TANGO6: variants seen among roughly 807,000 people sequenced by gnomAD.
TANGO6 encodes transport and golgi organization 6 homolog.
Under a neutral mutation model 114.2 loss-of-function variants are expected in TANGO6, and 90 were observed. The observed-to-expected ratio is 0.79, with a 90% CI of 0.66 to 0.94. The LOEUF is 0.94. Among genes scored for constraint, TANGO6 ranks in the 40% least tolerant of loss-of-function variants. The pLI, the probability that TANGO6 is intolerant of heterozygous loss-of-function variation, is 0.00. For missense variants in TANGO6, 1,274 were observed against 1,315.3 expected, an observed-to-expected ratio of 0.97 and a Z score of 0.49; for synonymous variants, 477 against 509.8, an observed-to-expected ratio of 0.94 and a Z score of 0.87.
intron 15 of TANGO6, among the ~76,000 whole-genome samples, chr16:69,019,652 C>T (rs988027205): frequency 6.6e-6 from 1 of 151,066 alleles, no homozygotes; most frequent in African/African-American, 2.5e-5. Flanking sequence ...CAGTACTTAT[C>T]TGTTTATATG....
intron 9 of TANGO6, among the ~76,000 whole-genome samples, chr16:68,905,632 A>G (rs778485306): frequency 1.1e-4 from 16 of 152,208 alleles, no homozygotes; most frequent in Non-Finnish European, 2.1e-4. Context: ...ATTAAAAACT[A>G]AAAGCCATAG....
chr16:68,989,138 C>T (rs1175683588), intron 15 of TANGO6, among the ~76,000 whole-genome samples: 1 of 152,202 alleles, frequency 6.6e-6, no homozygotes, highest in Non-Finnish European at 1.5e-5. Flanking sequence ...GCTAGGATTA[C>T]AGGCATGAGC....
intron 16 of TANGO6, among the ~76,000 whole-genome samples, chr16:69,036,985 A>G (rs1033691541): frequency 7.9e-5 from 12 of 151,746 alleles, no homozygotes; most frequent in Admixed American, 2.0e-4. Context: ...AAGAAAAAGA[A>G]GAAGGCTGGG....
chr16:68,880,677 AT>A (rs748458543), intron 7 of TANGO6, 47 bp downstream of exon 7: 3 of 1,423,196 alleles, frequency 2.1e-6, no homozygotes, highest in South Asian at 1.5e-5. Flanking sequence ...CTTATTTAAA[AT>A]TTTTTTTAAA....
chr16:68,940,561 G>T (rs1963342273), intron 14 of TANGO6, among the ~76,000 whole-genome samples: 1 of 145,282 alleles, frequency 6.9e-6, no homozygotes, highest in Admixed American at 6.7e-5. Flanking sequence ...TAGTTTGAAT[G>T]TCACTGGTTA....
At chr16:68,853,297 T>A (rs1396734627) in intron 1 of TANGO6, among the ~76,000 whole-genome samples, 1 of 149,676 alleles carries the variant, frequency 6.7e-6, no homozygotes, top group Admixed American at 6.7e-5. Flanking sequence ...AAAAAGCATA[T>A]ACTTTTGTCA....
chr16:68,970,445 A>T (rs1028463349), intron 14 of TANGO6, among the ~76,000 whole-genome samples: 1 of 152,116 alleles, frequency 6.6e-6, no homozygotes, highest in African/African-American at 2.4e-5. Context: ...AGGCAGGTGG[A>T]TCACCTGAGG....
intron 16 of TANGO6, among the ~76,000 whole-genome samples, chr16:69,030,837 G>T (rs534854719): frequency 7.3e-5 from 11 of 151,668 alleles, no homozygotes; most frequent in Non-Finnish European, 1.0e-4. Context: ...AGATCACGAG[G>T]TCAAGAGATC....
intron 16 of TANGO6, among the ~76,000 whole-genome samples, chr16:69,038,414 A>C (rs1428723033): frequency 6.6e-6 from 1 of 151,904 alleles, no homozygotes; most frequent in Non-Finnish European, 1.5e-5. Flanking sequence ...TGGATGACAG[A>C]GCGAGATCCT....
Position 68,875,110 on chromosome 16 carries a change from G to T in TANGO6, c.995-44G>T, listed in dbSNP as rs199803400. 1,232 of 1,560,578 alleles carry T rather than the reference G, an allele frequency of 7.9e-4. 1 individual carries two copies. Among genetic ancestry groups the T allele is most frequent in the Admixed American group, 1.1e-3 (61 of 57,464 alleles). On this transcript the variant is annotated intron_variant, in intron 4 of 17. Coordinates refer to ENST00000261778, the MANE Select transcript of TANGO6 (RefSeq NM_024562.2). Reference sequence around the variant, plus strand: ...AAATTTGTTACATGGGACCTTCTGTGGGGAATTGCTGTGAGCTGCTAACAT... The same window carrying T: ...AAATTTGTTACATGGGACCTTCTGTTGGGAATTGCTGTGAGCTGCTAACAT...
chr16:69,083,800 A>T lies in TANGO6; in HGVS notation c.*139A>T, dbSNP rs1014742510. Reference sequence around the variant, plus strand: ...TCGGGGTGGTTTTATGGTGCAGGTCACTTGGGTCTTCAGGGTCCCTTCCGA... The same window carrying T: ...TCGGGGTGGTTTTATGGTGCAGGTCTCTTGGGTCTTCAGGGTCCCTTCCGA... On this transcript the variant is annotated 3_prime_UTR_variant, in exon 18 of 18. Coordinates refer to ENST00000261778, the MANE Select transcript of TANGO6 (RefSeq NM_024562.2). The T allele has an allele frequency of 2.2e-6, 2 of 914,442 alleles. No homozygotes were observed. The highest frequency in any genetic ancestry group is 3.4e-5 in the African/African-American group (2 of 59,622). The allele number at this position is 914,442 out of a possible 1,614,324, so 56.6% of individuals were successfully genotyped here. A position where few individuals can be genotyped will look rare whatever the true frequency, so the allele number is the denominator to read the frequency against.
chr16:69,022,893 G>A lies in TANGO6; in HGVS notation c.2908G>A (p.Asp970Asn). ...CTTCCTGAGGGGAGTGAGAGATCCT[G>A]ATGGTGCTCACAGGGCCAGCAGCTT... is the stretch of plus-strand genomic sequence containing the variant. Reference protein sequence around the residue: ...HTFLRGVRDPDGAHRASSLAN... With the variant: ...HTFLRGVRDPNGAHRASSLAN... The change falls in exon 16 of 18, where the codon GAT (aspartate) becomes AAT (asparagine). Residue 970 changes from aspartate to asparagine, a missense_variant. Coordinates refer to ENST00000261778, the MANE Select transcript of TANGO6 (RefSeq NM_024562.2). 1 of 1,598,242 alleles carries A rather than the reference G, an allele frequency of 6.3e-7. No homozygotes were observed. Among genetic ancestry groups the A allele is most frequent in the Non-Finnish European group, 8.5e-7 (1 of 1,172,112 alleles).
Position 68,902,451 on chromosome 16 carries a change from G to T in TANGO6, c.1614G>T (p.Gln538His), listed in dbSNP as rs1454995587. 2 of 1,613,358 alleles carry T rather than the reference G, an allele frequency of 1.2e-6. No homozygotes were observed. Among genetic ancestry groups the T allele is most frequent in the Non-Finnish European group, 1.7e-6 (2 of 1,179,650 alleles). ...TGCCCTCTCTCCATTCTCTGTGTCAGTTTAGAGTTGCCACTCAAGGTGGCA... is the reference window on the plus strand; with the variant it reads ...TGCCCTCTCTCCATTCTCTGTGTCATTTTAGAGTTGCCACTCAAGGTGGCA... ...KAVPSLHSLCQFRVATQGGIM... is the reference protein window; with the variant it reads ...KAVPSLHSLCHFRVATQGGIM... Residue 538 changes from glutamine (Q) to histidine (H), a missense_variant, in exon 9 of 18, where the codon CAG becomes CAT. Around this residue, in one of 5 missense-constraint regions of TANGO6, gnomAD observed 908 missense variants for 910.2 expected, o/e 1.00. Coordinates refer to ENST00000261778, the MANE Select transcript of TANGO6 (RefSeq NM_024562.2).
intron 14 of TANGO6, among the ~76,000 whole-genome samples, chr16:68,944,362 C>G (rs536037350): frequency 6.6e-6 from 1 of 152,216 alleles, no homozygotes; most frequent in East Asian, 1.9e-4. Context: ...ACCAAGAGGA[C>G]GATCAGCTGC....
At chr16:68,878,054 GT>G in intron 5 of TANGO6, 63 bp from the exon 6 acceptor site, 2 of 1,378,588 alleles carry the variant, frequency 1.5e-6, no homozygotes, top group East Asian at 4.8e-5. Context: ...CATGCTTTTT[GT>G]TTTTAGTTAC....
intron 14 of TANGO6, among the ~76,000 whole-genome samples, chr16:68,955,151 A>C (rs1963517350): frequency 6.6e-6 from 1 of 152,208 alleles, no homozygotes; most frequent in African/African-American, 2.4e-5. Context: ...ATATGACAGC[A>C]GAAACCTAAC....
intron 11 of TANGO6, among the ~76,000 whole-genome samples, chr16:68,918,044 G>A (rs916313055): frequency 2.0e-5 from 3 of 151,208 alleles, no homozygotes; most frequent in Admixed American, 6.6e-5. Flanking sequence ...TCAGCCTCCC[G>A]AGTAGCTGAG....
At chr16:69,012,691 G>C (rs1030064234) in intron 15 of TANGO6, among the ~76,000 whole-genome samples, 2 of 151,446 alleles carry the variant, frequency 1.3e-5, no homozygotes, top group African/African-American at 4.9e-5. Flanking sequence ...AATGCTTTCT[G>C]AAAATGGTGT....
chr16:68,971,911 G>A lies in TANGO6; in HGVS notation c.2702-2117G>A, dbSNP rs552885386. On this transcript the variant is annotated intron_variant, in intron 14 of 17. Coordinates refer to ENST00000261778, the MANE Select transcript of TANGO6 (RefSeq NM_024562.2). ...GCCTCCCAAAATGTTGGGATTACAC[G>A]CGTGAGCCACTGCGCCCAGCCGATG... Among the ~76,000 whole-genome samples, 8 of 152,192 alleles carry A rather than the reference G, an allele frequency of 5.3e-5. No homozygotes were observed. In the East Asian group the frequency reaches 1.2e-3, roughly 22 times the overall value.
Sources: gnomAD v4.1 joint callset for allele counts (sites outside exome capture counted in the v4.1 genomes callset) on GRCh38, gnomAD v4.1.1 for gene constraint, gnomAD v4.1.1 regional missense constraint, MANE v1.5 for transcripts, NCBI Gene and HGNC (gene_info 2026-07-23, HGNC 2026-07-21) for gene names.